The following KDM1B variants were observed in gnomAD, a reference collection of about 807,000 sequenced individuals.
KDM1B encodes the protein lysine-specific histone demethylase 2.
A neutral mutation model predicts 107.4 loss-of-function variants in KDM1B; 63 were observed. That is an observed-to-expected ratio of 0.59 (90% CI 0.48 to 0.72). The LOEUF (loss-of-function observed/expected upper bound fraction) is 0.72, where lower values mean the gene tolerates loss of function less well. Ranked by LOEUF, KDM1B falls within the 30% of genes least tolerant of loss-of-function variation. The pLI is 0.00. For synonymous variants in KDM1B, 363 were observed against 363.9 expected (o/e 1.00, Z 0.03); for missense variants, 749 against 1,020.8 (o/e 0.73, Z 3.63).
At chr6:18,178,416 CAG>C (rs763849155) in intron 7 of KDM1B, among the ~76,000 whole-genome samples, 3 of 150,026 alleles carry the variant, frequency 2.0e-5, no homozygotes, top group African/African-American at 7.4e-5. Flanking sequence ...TTTTTTGAAA[CAG>C]AGTCTTGCTT....
In KDM1B at chr6:18,197,496, T is replaced by C; in HGVS notation, c.1147-91T>C. On this transcript the variant is annotated intron_variant, in intron 11 of 21. Coordinates refer to ENST00000650836, the MANE Select transcript of KDM1B (RefSeq NM_001364614.2). The surrounding 1 kb of genome is among the most constrained non-coding windows in gnomAD (Gnocchi z 4.5). ...TCTAAGGACATCAAAGAAATGTAAA[T>C]GAACGAATTTGCTCTGCAGTTCCGG... The C allele has an allele frequency of 9.9e-7, 1 of 1,007,674 alleles. No individual in the cohort carries two copies. Among genetic ancestry groups the C allele is most frequent in the Non-Finnish European group, 1.5e-6 (1 of 651,896 alleles). The allele number at this position is 1,007,674 out of a possible 1,614,324, so 62.4% of individuals were successfully genotyped here. A position where few individuals can be genotyped will look rare whatever the true frequency, so the allele number is the denominator to read the frequency against.
intron 8 of KDM1B, 49 bp from the exon 9 acceptor site, chr6:18,187,743 C>A (rs1031908473): frequency 2.4e-6 from 3 of 1,259,268 alleles, no homozygotes; most frequent in African/African-American, 3.0e-5. Context: ...TCTGCATGTA[C>A]ATTTCTTGTC....
chr6:18,205,697 A>G lies in KDM1B; in HGVS notation c.1659+33A>G. On this transcript the variant is annotated intron_variant, in intron 15 of 21. Coordinates refer to ENST00000650836, the MANE Select transcript of KDM1B (RefSeq NM_001364614.2). This position sits in a 1 kb window ranked among gnomAD's most constrained non-coding sequence, Gnocchi z 5.7. ...TGGGTTTTGTGAAAGGTGTGCTTTG[A>G]AAATACTTGGTTTAGGCCGGGCGCA... The G allele has an allele frequency of 6.8e-7, 1 of 1,471,568 alleles. No individual in the cohort carries two copies. Among genetic ancestry groups the G allele is most frequent in the East Asian group, 2.7e-5 (1 of 37,582 alleles). 91.2% of individuals were successfully genotyped at this position (1,471,568 alleles called of 1,614,324 possible).
chr6:18,223,633 A>C lies in KDM1B; in HGVS notation c.*1641A>C, dbSNP rs1789965176. On this transcript the variant is annotated 3_prime_UTR_variant, in exon 22 of 22. Transcript: ENST00000650836. ...GGAAAACCTACTTTAAAGTATGGTA[A>C]ATGTGTGTTTTAAACTTCCTATCAA... 1 of 152,154 alleles carries C rather than the reference A, an allele frequency of 6.6e-6. No homozygotes were observed. Among genetic ancestry groups the C allele is most frequent in the Non-Finnish European group, 1.5e-5 (1 of 68,020 alleles). The allele number at this position is 152,154 out of a possible 1,614,324, so 9.4% of individuals were successfully genotyped here. A position where few individuals can be genotyped will look rare whatever the true frequency, so the allele number is the denominator to read the frequency against.
chr6:18,160,796 G>T (rs550817490), intron 3 of KDM1B, among the ~76,000 whole-genome samples: 13 of 148,394 alleles, frequency 8.8e-5, no homozygotes, highest in African/African-American at 3.2e-4. Flanking sequence ...TCTCAATTTG[G>T]GGAATGACTT....
At chr6:18,168,944 T>A (rs1785487269) in intron 6 of KDM1B, among the ~76,000 whole-genome samples, 1 of 152,010 alleles carries the variant, frequency 6.6e-6, no homozygotes, top group African/African-American at 2.4e-5. Context: ...CGATCTTGGC[T>A]CGCTGCAACC....
Position 18,211,292 on chromosome 6 carries a change from T to G in KDM1B, c.1867-1196T>G, listed in dbSNP as rs1019397941. Among the ~76,000 whole-genome samples, 1 of 152,168 alleles carries G rather than the reference T, an allele frequency of 6.6e-6. No individual in the cohort carries two copies. The highest frequency in any genetic ancestry group is 2.4e-5 in the African/African-American group (1 of 41,446). ...CCTCAGGTAGATTGGGTGCTTGGTC[T>G]TCAACTCCATTCCACTCTGATCCTA... On this transcript the variant is annotated intron_variant, in intron 17 of 21. Transcript: ENST00000650836. The surrounding 1 kb of genome is among the most constrained non-coding windows in gnomAD (Gnocchi z 5.2).
rs532146812 is a variant in KDM1B, at chr6:18,222,636, G to A, written c.*644G>A. The A allele has an allele frequency of 6.1e-6, 1 of 162,810 alleles. No homozygotes were observed. The highest frequency in any genetic ancestry group is 1.8e-4 in the East Asian group (1 of 5,514). The allele number at this position is 162,810 out of a possible 1,614,324, so 10.1% of individuals were successfully genotyped here. Reference sequence around the variant, plus strand: ...TTTTGTGATAAAATGTTTTAGATTTGTGCACCCATTGGCAAAACAGGAAAG... The same window carrying A: ...TTTTGTGATAAAATGTTTTAGATTTATGCACCCATTGGCAAAACAGGAAAG... On this transcript the variant is annotated 3_prime_UTR_variant, in exon 22 of 22. Coordinates refer to ENST00000650836, the MANE Select transcript of KDM1B (RefSeq NM_001364614.2).
In KDM1B at chr6:18,216,203, C is replaced by T. The variant is rs1313253457; in HGVS notation, c.2232+1074C>T. 2.0e-5 allele frequency among the ~76,000 whole-genome samples: 3 copies of T among 152,196 alleles called. No homozygotes were observed. The East Asian group carries it at 5.8e-4, about 29-fold the overall frequency. On this transcript the variant is annotated intron_variant, in intron 20 of 21. Transcript: ENST00000650836. The stretch of plus-strand genomic sequence containing the variant: ...CAAGCGATTCTCCTGCCTCAGCCTC[C>T]CGAGTAGGCTGGGATTATGGGTGTG...
At chr6:18,189,232 G>A (rs1209236341) in intron 9 of KDM1B, among the ~76,000 whole-genome samples, 1 of 152,150 alleles carries the variant, frequency 6.6e-6, no homozygotes, top group Non-Finnish European at 1.5e-5. Flanking sequence ...CTATCTTAAG[G>A]TTTTGTTGTT....
At chr6:18,161,494 G>A in intron 4 of KDM1B, 40 bp downstream of exon 4, 2 of 1,607,036 alleles carry the variant, frequency 1.2e-6, no homozygotes, top group South Asian at 1.1e-5. Context: ...ATTTCTGCTT[G>A]TGAGAAGTTC....
chr6:18,198,649 A>C (rs1056232158), intron 12 of KDM1B, among the ~76,000 whole-genome samples: 2 of 141,968 alleles, frequency 1.4e-5, no homozygotes, highest in Admixed American at 6.9e-5. Context: ...AAAAAAAAAA[A>C]AAAAAAAACA....
chr6:18,200,470 G>A lies in KDM1B; in HGVS notation c.1253G>A (p.Gly418Glu). 6.2e-7 allele frequency: 1 copy of A among 1,614,068 alleles called. No individual in the cohort carries two copies. Among genetic ancestry groups the A allele is most frequent in the Non-Finnish European group, 8.5e-7 (1 of 1,179,992 alleles). ...GTCCTGGAAGCCAAAGACAGAATTGGAGGCCGAGTCTGGGATGATAAATCT... is the reference window on the plus strand; with the variant it reads ...GTCCTGGAAGCCAAAGACAGAATTGAAGGCCGAGTCTGGGATGATAAATCT... Reference protein sequence around the residue: ...VTVLEAKDRIGGRVWDDKSFK... With the variant: ...VTVLEAKDRIEGRVWDDKSFK... Residue 418 changes from glycine to glutamate, a missense_variant, in exon 13 of 22, where the codon GGA (glycine) becomes GAA (glutamate). Transcript: ENST00000650836. This position sits in a 1 kb window ranked among gnomAD's most constrained non-coding sequence, Gnocchi z 4.3.
Position 18,191,312 on chromosome 6 carries a change from T to C in KDM1B, c.900T>C (p.Tyr300=), listed in dbSNP as rs1267419961. Residue 300 remains tyrosine, a synonymous_variant, in exon 10 of 22, where the codon TAT becomes TAC. Transcript: ENST00000650836. This position sits in a 1 kb window ranked among gnomAD's most constrained non-coding sequence, Gnocchi z 5.1. The stretch of plus-strand genomic sequence containing the variant: ...ATGAGCTCTATGAGTTTCCAGAGTA[T>C]TCCCGAGACCCCACCATGTACCTGG... ...ELDELYEFPE[Y]SRDPTMYLAL... is the part of the protein sequence containing the mutation. The C allele has an allele frequency of 6.4e-7, 1 of 1,550,876 alleles. No homozygotes were observed. The highest frequency in any genetic ancestry group is 1.2e-5 in the South Asian group (1 of 84,066).
intron 7 of KDM1B, among the ~76,000 whole-genome samples, chr6:18,177,073 TCTG>T (rs1257640981): frequency 6.6e-6 from 1 of 152,200 alleles, no homozygotes; most frequent in Non-Finnish European, 1.5e-5. Context: ...CTGGTAGAAT[TCTG>T]CTGTGAATCC....
At position 18,222,440 on chromosome 6, in the gene KDM1B, G is replaced by T; in HGVS notation, c.*448G>T. 3.6e-6 allele frequency: 1 copy of T among 276,204 alleles called. No homozygotes were observed. Among genetic ancestry groups the T allele is most frequent in the Non-Finnish European group, 7.1e-6 (1 of 140,004 alleles). The allele number at this position is 276,204 out of a possible 1,614,324, so 17.1% of individuals were successfully genotyped here. ...AATTTATCAGTATCTTTACCAATGA[G>T]CCTTAATTTTTATATAGGTCCAATA... On this transcript the variant is annotated 3_prime_UTR_variant, in exon 22 of 22. Transcript: ENST00000650836.
rs1052140147 is a variant in KDM1B, at chr6:18,172,721, C to G, written c.534+1242C>G. ...GGATTCAAAATATAAACATAATATT[C>G]TATTTCATTATATTTATAATAAACT... On this transcript the variant is annotated intron_variant, in intron 7 of 21. Coordinates refer to ENST00000650836, the MANE Select transcript of KDM1B (RefSeq NM_001364614.2). This position sits in a 1 kb window ranked among gnomAD's most constrained non-coding sequence, Gnocchi z 5.2. Among the ~76,000 whole-genome samples, 1 of 152,026 alleles carries G rather than the reference C, an allele frequency of 6.6e-6. No homozygotes were observed. The highest frequency in any genetic ancestry group is 2.4e-5 in the African/African-American group (1 of 41,402).
At chr6:18,184,760 T>TTTTTTTTTTTTG (rs60640799) in intron 7 of KDM1B, among the ~76,000 whole-genome samples, 1 of 130,828 alleles carries the variant, frequency 7.6e-6, no homozygotes, top group African/African-American at 3.1e-5. Context: ...TTTTTTTTTT[T>TTTTTTTTTTTTG]AAGACAAGGT....
In KDM1B at chr6:18,205,790, G is replaced by A. The variant is rs1316631623; in HGVS notation, c.1659+126G>A. 24 of 875,000 alleles carry A rather than the reference G, an allele frequency of 2.7e-5. No homozygotes were observed. Among genetic ancestry groups the A allele is most frequent in the African/African-American group, 5.4e-5 (3 of 55,550 alleles). The allele number at this position is 875,000 out of a possible 1,614,324, so 54.2% of individuals were successfully genotyped here. ...GGGCAGATCATGAGGTCAGGAGATCGAGACCATCCTGGCCAACATGGTGAA... is the reference window on the plus strand; with the variant it reads ...GGGCAGATCATGAGGTCAGGAGATCAAGACCATCCTGGCCAACATGGTGAA... On this transcript the variant is annotated intron_variant, in intron 15 of 21. Transcript: ENST00000650836. The surrounding 1 kb of genome is among the most constrained non-coding windows in gnomAD (Gnocchi z 5.7).
Sources: allele counts gnomAD v4.1 joint callset (sites outside exome capture counted in the v4.1 genomes callset), GRCh38; gene constraint gnomAD v4.1.1; non-coding constraint Gnocchi (gnomAD v3.1); transcripts MANE v1.5; gene names NCBI Gene and HGNC (gene_info 2026-07-23, HGNC 2026-07-21).